OSBPL9: variants seen among roughly 807,000 people sequenced by gnomAD.
The protein encoded by OSBPL9 is oxysterol-binding protein-related protein 9.
A neutral mutation model predicts 106.6 loss-of-function variants in OSBPL9; 40 were observed. That is an observed-to-expected ratio of 0.38 (90% CI 0.29 to 0.49). The LOEUF is 0.49. Ranked by LOEUF, OSBPL9 falls within the 20% of genes least tolerant of loss-of-function variation. OSBPL9 has a pLI of 0.97. For missense variants in OSBPL9, 609 were observed against 887.2 expected, an observed-to-expected ratio of 0.69 and a Z score of 3.98; for synonymous variants, 269 against 295.4, an observed-to-expected ratio of 0.91 and a Z score of 0.92.
intron 4 of OSBPL9, among the ~76,000 whole-genome samples, chr1:51,714,671 G>A (rs1005694846): frequency 2.6e-5 from 4 of 152,158 alleles, no homozygotes; most frequent in Non-Finnish European, 4.4e-5. Context: ...CCTTGGTGGT[G>A]GTAAGGTGGT....
chr1:51,575,452 C>A (rs922338016), upstream of OSBPL9, among the ~76,000 whole-genome samples: 2 of 151,658 alleles, frequency 1.3e-5, no homozygotes, highest in African/African-American at 4.9e-5. Flanking sequence ...CTCAAGTGAT[C>A]CGCCTGCCTC....
At position 51,681,569 on chromosome 1, in the gene OSBPL9, A is replaced by G. The variant is rs369527370; in HGVS notation, c.241+12057A>G. Among the ~76,000 whole-genome samples the G allele has an allele frequency of 2.0e-4, 30 of 152,172 alleles. No individual in the cohort carries two copies. In the East Asian group the frequency reaches 3.3e-3, roughly 17 times the overall value. On this transcript the variant is annotated intron_variant, in intron 3 of 23. Transcript: ENST00000428468. ...GCCATTTTAATTTTTCTGTTTTTCTACTAATTAAAGTAATGATAGTACAGC... is the reference window on the plus strand; with the variant it reads ...GCCATTTTAATTTTTCTGTTTTTCTGCTAATTAAAGTAATGATAGTACAGC...
At chr1:51,718,468 C>T (rs560984365) in intron 4 of OSBPL9, among the ~76,000 whole-genome samples, 54 of 152,186 alleles carry the variant, frequency 3.5e-4, no homozygotes, top group African/African-American at 1.3e-3. Context: ...AATATATATA[C>T]CTACTATGTA....
chr1:51,647,710 G>T (rs1443985051), intron 1 of OSBPL9, among the ~76,000 whole-genome samples: 1 of 152,060 alleles, frequency 6.6e-6, no homozygotes, highest in Non-Finnish European at 1.5e-5. Context: ...GTTTTTGTAA[G>T]ATTGGTAATA....
At chr1:51,549,439 A>G in the OSBPL9 span, among the ~76,000 whole-genome samples, 12,625 of 152,272 alleles carry the variant, frequency 0.083, 609 homozygotes, top group African/African-American at 0.11. Flanking sequence ...CAGATCCTGC[A>G]CCTGCTATGT....
intron 3 of OSBPL9, among the ~76,000 whole-genome samples, chr1:51,673,116 T>C (rs1650295702): frequency 6.6e-6 from 1 of 151,898 alleles, no homozygotes; most frequent in African/African-American, 2.4e-5. Flanking sequence ...GCAAAAGAGA[T>C]TGAGAAGAAG....
At chr1:51,664,096 C>A (rs977050806) in intron 2 of OSBPL9, among the ~76,000 whole-genome samples, 1 of 152,104 alleles carries the variant, frequency 6.6e-6, no homozygotes, top group Non-Finnish European at 1.5e-5. Flanking sequence ...ATATGCATAT[C>A]CTGTGACCTA....
Position 51,788,051 on chromosome 1 carries a change from A to G in OSBPL9, c.*262A>G, listed in dbSNP as rs2149174120. On this transcript the variant is annotated 3_prime_UTR_variant, in exon 24 of 24. Coordinates refer to ENST00000428468, the MANE Select transcript of OSBPL9 (RefSeq NM_024586.6). ...TCAGATGATGTCTTCTCCTTTTCCA[A>G]ACACCACACGTTGAAAGCATTTATA... is the stretch of plus-strand genomic sequence containing the variant. 6.4e-6 allele frequency: 3 copies of G among 468,656 alleles called. No individual in the cohort carries two copies. Among genetic ancestry groups the G allele is most frequent in the Non-Finnish European group, 1.2e-5 (3 of 260,480 alleles). 29.0% of individuals were successfully genotyped at this position (468,656 alleles called of 1,614,324 possible).
chr1:51,668,243 T>C (rs2148757689), intron 2 of OSBPL9, among the ~76,000 whole-genome samples: 1 of 152,322 alleles, frequency 6.6e-6, no homozygotes, highest in Non-Finnish European at 1.5e-5. Context: ...CTTAAGGACA[T>C]TGAACAATAG....
chr1:51,595,455 A>G (rs1428215197), intron 1 of OSBPL9, among the ~76,000 whole-genome samples: 2 of 152,178 alleles, frequency 1.3e-5, no homozygotes, highest in Non-Finnish European at 2.9e-5. Flanking sequence ...ACAGAAATGC[A>G]GGGCCTGAGG....
chr1:51,553,604 C>T, the OSBPL9 span, among the ~76,000 whole-genome samples: 4 of 152,238 alleles, frequency 2.6e-5, no homozygotes, highest in East Asian at 7.7e-4. Flanking sequence ...AGCAGATAGT[C>T]TGACACACAA....
the OSBPL9 span, among the ~76,000 whole-genome samples, chr1:51,541,887 CT>C: frequency 3.5e-4 from 52 of 147,136 alleles, no homozygotes; most frequent in Middle Eastern, 6.8e-3. Flanking sequence ...TTTACCCAGC[CT>C]TTTTTTTTTT....
chr1:51,566,645 T>C, the OSBPL9 span: 1 of 152,212 alleles, frequency 6.6e-6, no homozygotes. Context: ...ACCACCCACA[T>C]AGTCACAAAC....
the OSBPL9 span, among the ~76,000 whole-genome samples, chr1:51,555,728 C>T: frequency 1.3e-5 from 2 of 151,808 alleles, no homozygotes; most frequent in African/African-American, 2.4e-5. Flanking sequence ...CCACCATGCC[C>T]GGCTAATTTT....
intron 2 of OSBPL9, among the ~76,000 whole-genome samples, chr1:51,663,477 T>C (rs1463356149): frequency 6.6e-6 from 1 of 152,250 alleles, no homozygotes; most frequent in Non-Finnish European, 1.5e-5. Flanking sequence ...ATGTTCAAGA[T>C]GTTTATTTAT....
intron 4 of OSBPL9, among the ~76,000 whole-genome samples, chr1:51,744,027 T>C (rs1273881408): frequency 6.6e-6 from 1 of 152,210 alleles, no homozygotes; most frequent in Non-Finnish European, 1.5e-5. Flanking sequence ...AGGGGCTTTG[T>C]AATACTCATT....
chr1:51,708,459 T>C (rs867207794), intron 3 of OSBPL9, among the ~76,000 whole-genome samples: 1 of 152,158 alleles, frequency 6.6e-6, no homozygotes, highest in African/African-American at 2.4e-5. Flanking sequence ...TATATGTTCA[T>C]TGAATCAAGT....
Position 51,788,061 on chromosome 1 carries a change from G to C in OSBPL9, c.*272G>C, listed in dbSNP as rs992436123. On this transcript the variant is annotated 3_prime_UTR_variant, in exon 24 of 24. Coordinates refer to ENST00000428468, the MANE Select transcript of OSBPL9 (RefSeq NM_024586.6). ...TCTTCTCCTTTTCCAAACACCACACGTTGAAAGCATTTATAAATCCAAGTC... is the reference window on the plus strand; with the variant it reads ...TCTTCTCCTTTTCCAAACACCACACCTTGAAAGCATTTATAAATCCAAGTC... 1 of 440,944 alleles carries C rather than the reference G, an allele frequency of 2.3e-6. No homozygotes were observed. The highest frequency in any genetic ancestry group is 4.1e-5 in the East Asian group (1 of 24,268). 27.3% of individuals were successfully genotyped at this position (440,944 alleles called of 1,614,324 possible).
chr1:51,584,516 C>T (rs1645237089), intron 1 of OSBPL9, among the ~76,000 whole-genome samples: 1 of 151,996 alleles, frequency 6.6e-6, no homozygotes, highest in African/African-American at 2.4e-5. Context: ...GAGTTTGAGA[C>T]CAGCATTGAC....
Sources: gnomAD v4.1 joint callset for allele counts (sites outside exome capture counted in the v4.1 genomes callset) on GRCh38, gnomAD v4.1.1 for gene constraint, MANE v1.5 for transcripts, NCBI Gene and HGNC (gene_info 2026-07-23, HGNC 2026-07-21) for gene names.